Variants in DNAH14 observed in about 807,000 individuals in gnomAD.
The protein encoded by DNAH14 is dynein axonemal heavy chain 14.
DNAH14 carries 478 observed loss-of-function variants against 520.9 expected under a neutral mutation model. That is an observed-to-expected ratio of 0.92 (90% confidence interval 0.85 to 0.99). The LOEUF (loss-of-function observed/expected upper bound fraction) is 0.99. Among genes scored for constraint, DNAH14 ranks in the 50% least tolerant of loss-of-function variants. The pLI is 0.00. For synonymous variants in DNAH14, 1,581 were observed against 1,757.2 expected (o/e 0.90, Z 2.51); for missense variants, 4,831 against 5,234.5 (o/e 0.92, Z 2.38).
chr1:225,352,323 C>G (rs2095376518), intron 72 of DNAH14, among the ~76,000 whole-genome samples: 1 of 152,036 alleles, frequency 6.6e-6, no homozygotes, highest in Non-Finnish European at 1.5e-5. Flanking sequence ...TCGCTACTAC[C>G]TTCACTCATA....
chr1:225,187,948 G>A (rs1273251634), intron 37 of DNAH14, among the ~76,000 whole-genome samples: 1 of 151,466 alleles, frequency 6.6e-6, no homozygotes, highest in East Asian at 1.9e-4. Flanking sequence ...TTTTACATAG[G>A]GATATCCAGC....
intron 41 of DNAH14, among the ~76,000 whole-genome samples, chr1:225,219,396 A>G (rs2089798063): frequency 6.8e-6 from 1 of 147,698 alleles, no homozygotes; most frequent in African/African-American, 2.4e-5. Context: ...TAAAAAAAAA[A>G]AAATAGACAG....
At chr1:225,007,963 T>C (rs2064322792) in intron 10 of DNAH14, among the ~76,000 whole-genome samples, 1 of 151,008 alleles carries the variant, frequency 6.6e-6, no homozygotes, top group Non-Finnish European at 1.5e-5. Flanking sequence ...CTGGGATACA[T>C]GTGCAGAATG....
chr1:225,372,902 A>G (rs1009264768), intron 77 of DNAH14, among the ~76,000 whole-genome samples: 4 of 152,192 alleles, frequency 2.6e-5, no homozygotes, highest in Non-Finnish European at 4.4e-5. Flanking sequence ...ATTGTACTTA[A>G]ATGACCAACG....
intron 66 of DNAH14, among the ~76,000 whole-genome samples, chr1:225,335,161 G>A (rs553547808): frequency 1.5e-4 from 23 of 148,410 alleles, no homozygotes; most frequent in Non-Finnish European, 3.3e-4. Flanking sequence ...ATGTGTGCAT[G>A]TGTGCATGTG....
chr1:225,043,476 T>C (rs2067667347), intron 13 of DNAH14, among the ~76,000 whole-genome samples: 1 of 152,158 alleles, frequency 6.6e-6, no homozygotes, highest in South Asian at 2.1e-4. Context: ...CATTATTCAT[T>C]TTCATCTCAA....
intron 8 of DNAH14, among the ~76,000 whole-genome samples, chr1:225,002,529 G>A (rs1558648433): frequency 6.6e-6 from 1 of 151,890 alleles, no homozygotes. Flanking sequence ...GAACTCAGTG[G>A]CATAACAGAA....
At chr1:225,383,154 T>C (rs1264359666) in intron 81 of DNAH14, among the ~76,000 whole-genome samples, 1 of 152,196 alleles carries the variant, frequency 6.6e-6, no homozygotes. Flanking sequence ...CGAAAAACCA[T>C]TCATTTGTAC....
intron 36 of DNAH14, among the ~76,000 whole-genome samples, chr1:225,176,533 G>A (rs983596843): frequency 1.6e-5 from 2 of 127,476 alleles, no homozygotes; most frequent in Non-Finnish European, 3.4e-5. Flanking sequence ...TGACAGTAGG[G>A]TGTTGAAATT....
chr1:225,341,843 A>G (rs2095188570), intron 69 of DNAH14, among the ~76,000 whole-genome samples: 1 of 152,234 alleles, frequency 6.6e-6, no homozygotes, highest in African/African-American at 2.4e-5. Context: ...CAGTTTATCT[A>G]ACAATGGACT....
At chr1:224,992,805 C>T (rs1268243549) in intron 8 of DNAH14, among the ~76,000 whole-genome samples, 1 of 152,036 alleles carries the variant, frequency 6.6e-6, no homozygotes, top group Non-Finnish European at 1.5e-5. Flanking sequence ...CAATTTTTTA[C>T]TATGCTTACC....
intron 66 of DNAH14, among the ~76,000 whole-genome samples, chr1:225,336,142 G>A (rs1249299171): frequency 6.7e-6 from 1 of 149,182 alleles, no homozygotes; most frequent in African/African-American, 2.5e-5. Context: ...TATGTAGACA[G>A]ACCTCAAGCA....
chr1:225,152,664 G>T, intron 32 of DNAH14, 33 bp from the exon 33 acceptor site: 2 of 1,501,820 alleles, frequency 1.3e-6, no homozygotes, highest in Non-Finnish European at 1.8e-6. Flanking sequence ...GAGAAGTGGT[G>T]TTTTTATTGT....
At chr1:225,099,389 T>C (rs1183627636) in intron 22 of DNAH14, among the ~76,000 whole-genome samples, 1 of 152,138 alleles carries the variant, frequency 6.6e-6, no homozygotes, top group Non-Finnish European at 1.5e-5. Context: ...ACCAGTGATT[T>C]TCAACCAGCG....
In DNAH14 at chr1:225,353,864, C is replaced by A; in HGVS notation, c.11595C>A (p.Leu3865=). Residue 3865 remains leucine, a synonymous_variant, in exon 73 of 86, where the codon CTC becomes CTA. Transcript: ENST00000682510. The part of the protein sequence containing the change: ...CNPINFPWEK[L]TSFQRLILVK... The stretch of plus-strand genomic sequence containing the variant: ...CTATAAATTTTCCCTGGGAGAAACT[C>A]ACTTCATTTCAAAGACTTATTTTGG... 1 of 1,499,166 alleles carries A rather than the reference C, an allele frequency of 6.7e-7. No homozygotes were observed. The highest frequency in any genetic ancestry group is 1.2e-5 in the South Asian group (1 of 80,732). The allele number at this position is 1,499,166 out of a possible 1,614,324, so 92.9% of individuals were successfully genotyped here. A position where few individuals can be genotyped will look rare whatever the true frequency, so the allele number is the denominator to read the frequency against.
At chr1:224,941,395 C>T (rs909793176) in intron 1 of DNAH14, among the ~76,000 whole-genome samples, 1 of 151,884 alleles carries the variant, frequency 6.6e-6, no homozygotes, top group East Asian at 1.9e-4. Flanking sequence ...ATTTGTTTGA[C>T]TTCATTGTAG....
chr1:225,104,571 T>C (rs1177417985), intron 23 of DNAH14, among the ~76,000 whole-genome samples: 4 of 152,180 alleles, frequency 2.6e-5, no homozygotes, highest in African/African-American at 4.8e-5. Flanking sequence ...GAGCCTGTTA[T>C]TGGTCTATTC....
At chr1:225,342,779 A>G (rs1268137951) in intron 69 of DNAH14, among the ~76,000 whole-genome samples, 1 of 151,910 alleles carries the variant, frequency 6.6e-6, no homozygotes, top group Admixed American at 6.6e-5. Context: ...AGAGAGAGAT[A>G]CTTTGGATGA....
intron 36 of DNAH14, among the ~76,000 whole-genome samples, chr1:225,179,306 T>C (rs1273929254): frequency 6.6e-6 from 1 of 152,238 alleles, no homozygotes; most frequent in Non-Finnish European, 1.5e-5. Context: ...TTTCTTCTTT[T>C]CTTACTTTCT....
Sources: allele counts gnomAD v4.1 joint callset (sites outside exome capture counted in the v4.1 genomes callset), GRCh38; gene constraint gnomAD v4.1.1; transcripts MANE v1.5; gene names NCBI Gene and HGNC (gene_info 2026-07-23, HGNC 2026-07-21).